The following WDPCP variants were observed in gnomAD, a reference collection of about 807,000 sequenced individuals.
The protein encoded by WDPCP is WD repeat containing planar cell polarity effector.
Under a neutral mutation model 93.1 loss-of-function variants are expected in WDPCP, and 71 were observed. The observed-to-expected ratio is 0.76, with a 90% CI of 0.63 to 0.93. The LOEUF is 0.93. WDPCP is among the 40% of genes least tolerant of loss of function. WDPCP has a pLI of 0.00. For missense variants in WDPCP, 844 were observed against 887.4 expected (o/e 0.95, Z 0.62); for synonymous variants, 315 against 315.0 (o/e 1.00, Z 0.00).
intron 13 of WDPCP, among the ~76,000 whole-genome samples, chr2:63,311,532 T>C (rs2901579): frequency 6.6e-6 from 1 of 152,164 alleles, no homozygotes; most frequent in Non-Finnish European, 1.5e-5. Context: ...CAATGCAGCA[T>C]TCTGAATAAT....
intron 9 of WDPCP, among the ~76,000 whole-genome samples, chr2:63,418,552 G>C (rs1201905580): frequency 6.6e-6 from 1 of 152,058 alleles, no homozygotes; most frequent in East Asian, 1.9e-4. Flanking sequence ...CTGTCTTCAG[G>C]TACTTCCTAG....
intron 7 of WDPCP, among the ~76,000 whole-genome samples, chr2:63,439,220 G>C (rs1207553783): frequency 6.6e-6 from 1 of 152,044 alleles, no homozygotes; most frequent in Non-Finnish European, 1.5e-5. Flanking sequence ...TATGTGCTTT[G>C]TACCAATTAC....
chr2:63,588,943 TA>T (rs1321236118), upstream of WDPCP: 9 of 1,566,480 alleles, frequency 5.7e-6, no homozygotes. Flanking sequence ...CTTTTCTCGC[TA>T]ACACCGCTCG....
chr2:63,212,759 A>AGGGAT (rs556853004), intron 14 of WDPCP, among the ~76,000 whole-genome samples: 206 of 151,744 alleles, frequency 1.4e-3, no homozygotes, highest in African/African-American at 4.6e-3. Context: ...CTGAAAATAA[A>AGGGAT]GGGATGGAGG....
At chr2:63,290,656 C>T (rs1327594491) in intron 13 of WDPCP, among the ~76,000 whole-genome samples, 5 of 152,118 alleles carry the variant, frequency 3.3e-5, no homozygotes, top group African/African-American at 1.2e-4. Context: ...TTCACCCTCA[C>T]TTAAGGATGA....
At position 63,527,384 on chromosome 2, in the gene WDPCP, G is replaced by C. The variant is rs1224967843; in HGVS notation, c.76-34444C>G. Among the ~76,000 whole-genome samples the C allele has an allele frequency of 9.6e-5, 9 of 93,432 alleles. No individual in the cohort carries two copies. In the East Asian group the frequency reaches 2.9e-3, roughly 31 times the overall value. The allele number at this position is 93,432 out of a possible 152,430, so 61.3% of individuals were successfully genotyped here. A position where few individuals can be genotyped will look rare whatever the true frequency, so the allele number is the denominator to read the frequency against. On this transcript the variant is annotated intron_variant, in intron 1 of 17. Transcript: ENST00000272321. Reference sequence around the variant, plus strand: ...CTCCCTCCCCCCACCCCCAACCAACGACAGGCCCTGGTGTCTGATGTTCCC... The same window carrying C: ...CTCCCTCCCCCCACCCCCAACCAACCACAGGCCCTGGTGTCTGATGTTCCC...
chr2:63,497,014 A>C (rs1701261832), intron 1 of WDPCP, among the ~76,000 whole-genome samples: 1 of 148,698 alleles, frequency 6.7e-6, no homozygotes, highest in Admixed American at 6.8e-5. Flanking sequence ...TGGGAAGCTG[A>C]GGCAGGAGAA....
chr2:63,217,669 A>G (rs1677465834), intron 14 of WDPCP, among the ~76,000 whole-genome samples: 1 of 152,192 alleles, frequency 6.6e-6, no homozygotes, highest in Non-Finnish European at 1.5e-5. Flanking sequence ...GGGAAGACTA[A>G]CATATCATTT....
At chr2:63,696,921 C>T (rs912819052) in intron 2 of WDPCP, among the ~76,000 whole-genome samples, 5 of 152,224 alleles carry the variant, frequency 3.3e-5, no homozygotes, top group Admixed American at 1.3e-4. Flanking sequence ...CTTCCATCCC[C>T]ATCACTGCAT....
intron 13 of WDPCP, among the ~76,000 whole-genome samples, chr2:63,259,672 A>C (rs578033756): frequency 6.6e-6 from 1 of 152,320 alleles, no homozygotes; most frequent in East Asian, 1.9e-4. Context: ...AGTGTTTGAC[A>C]AAGTTTTGTC....
chr2:63,704,781 C>T lies in WDPCP; in HGVS notation n.309-53943G>A, dbSNP rs887121356. Among the ~76,000 whole-genome samples, 4 of 152,090 alleles carry T rather than the reference C, an allele frequency of 2.6e-5. No homozygotes were observed. The South Asian group carries it at 8.3e-4, about 32-fold the overall frequency. On this transcript the variant is annotated intron_variant and non_coding_transcript_variant, in intron 2 of 4. Coordinates refer to the WDPCP transcript ENST00000467687. ...GCTCTTTTTTTGTTGTGTTTCTGCCCGGCTTTGGTATCAGGATGATGCTGG... is the reference window on the plus strand; with the variant it reads ...GCTCTTTTTTTGTTGTGTTTCTGCCTGGCTTTGGTATCAGGATGATGCTGG...
chr2:63,422,651 G>T (rs1040257536), intron 9 of WDPCP, among the ~76,000 whole-genome samples: 1 of 152,114 alleles, frequency 6.6e-6, no homozygotes. Flanking sequence ...TCTAGGCATT[G>T]AACATTGAAT....
chr2:63,656,176 A>G (rs1256934878), intron 2 of WDPCP, among the ~76,000 whole-genome samples: 1 of 152,222 alleles, frequency 6.6e-6, no homozygotes, highest in African/African-American at 2.4e-5. Context: ...CTGGGAAAAC[A>G]GGAAGATCCC....
At chr2:63,516,652 T>G (rs1001703860) in intron 1 of WDPCP, among the ~76,000 whole-genome samples, 1 of 150,456 alleles carries the variant, frequency 6.6e-6, no homozygotes, top group Non-Finnish European at 1.5e-5. Context: ...TGGATGGAAA[T>G]CCACCAGCTC....
chr2:63,828,038 A>G (rs1343674614), upstream of WDPCP, among the ~76,000 whole-genome samples: 1 of 152,194 alleles, frequency 6.6e-6, no homozygotes, highest in African/African-American at 2.4e-5. Flanking sequence ...CCTGCTGCAA[A>G]GAAGTAAACA....
chr2:63,580,573 G>A (rs901062282), intron 1 of WDPCP, among the ~76,000 whole-genome samples: 9 of 152,124 alleles, frequency 5.9e-5, no homozygotes, highest in African/African-American at 1.7e-4. Context: ...AACCCAAATT[G>A]AGGGATGGTC....
At chr2:63,707,426 T>G (rs1374941162) in intron 2 of WDPCP, among the ~76,000 whole-genome samples, 1 of 152,258 alleles carries the variant, frequency 6.6e-6, no homozygotes, top group Non-Finnish European at 1.5e-5. Flanking sequence ...CATCGGTTAC[T>G]GAGGCTTGTG....
rs1032066536 is a variant in WDPCP at position 63,136,848 on chromosome 2, A to G, written c.2191-14792T>C. ...GTTCCTGTATTAGTTTGCTAAGGAT[A>G]TGGCTTCCAGCTCCATCCATGTCCC... is the stretch of plus-strand genomic sequence containing the variant. On this transcript the variant is annotated intron_variant, in intron 17 of 17. Transcript: ENST00000272321. Among the ~76,000 whole-genome samples the G allele has an allele frequency of 2.0e-5, 3 of 152,126 alleles. No individual in the cohort carries two copies. In the East Asian group the frequency reaches 5.8e-4, roughly 29 times the overall value.
In WDPCP at chr2:63,139,334, C is replaced by T. The variant is rs545740995; in HGVS notation, c.2190+13580G>A. Among the ~76,000 whole-genome samples, 8 of 152,290 alleles carry T rather than the reference C, an allele frequency of 5.3e-5. No homozygotes were observed. In the East Asian group the frequency reaches 1.4e-3, roughly 26 times the overall value. On this transcript the variant is annotated intron_variant, in intron 17 of 17. Coordinates refer to ENST00000272321, the MANE Select transcript of WDPCP (RefSeq NM_015910.7). ...AATGACTTCTTTTCTTCTGTGTAGA[C>T]ACCCAATAGTGGGGTTGCTGGATCA...
Sources: gnomAD v4.1 joint callset for allele counts (sites outside exome capture counted in the v4.1 genomes callset) on GRCh38, gnomAD v4.1.1 for gene constraint, MANE v1.5 for transcripts, NCBI Gene and HGNC (gene_info 2026-07-23, HGNC 2026-07-21) for gene names.